The following RORB variants were observed in gnomAD, a reference collection of about 807,000 sequenced individuals.
The protein encoded by RORB is nuclear receptor ROR-beta.
RORB carries 6 observed loss-of-function variants against 59.1 expected under a neutral mutation model. That is an observed-to-expected ratio of 0.10 (90% CI 0.06 to 0.20). The LOEUF (loss-of-function observed/expected upper bound fraction) is 0.20. Among genes scored for constraint, RORB ranks in the 10% least tolerant of loss-of-function variants. The pLI, the probability that RORB is intolerant of heterozygous loss-of-function variation, is 1.00. For synonymous variants in RORB, 215 were observed against 204.5 expected (o/e 1.05, Z -0.44); for missense variants, 320 against 560.5 (o/e 0.57, Z 4.33).
chr9:74,642,488 C>T lies in RORB; in HGVS notation c.310C>T (p.Leu104=). Residue 104 remains leucine, a synonymous_variant, in exon 4 of 10, where the codon CTG becomes TTG. Coordinates refer to ENST00000376896, the MANE Select transcript of RORB (RefSeq NM_006914.4). ...YAEVQKHQQR[L]QEQRQQQSGE... ...TGAGGTGCAGAAGCACCAGCAGCGG[C>T]TGCAGGAACAGCGGCAGCAGCAGAG... is the stretch of plus-strand genomic sequence containing the variant. 1 of 1,614,212 alleles carries T rather than the reference C, an allele frequency of 6.2e-7. No homozygotes were observed. Among genetic ancestry groups the T allele is most frequent in the Non-Finnish European group, 8.5e-7 (1 of 1,180,030 alleles).
At chr9:74,638,110 G>A (rs1196007236) in intron 3 of RORB, among the ~76,000 whole-genome samples, 1 of 152,154 alleles carries the variant, frequency 6.6e-6, no homozygotes, top group African/African-American at 2.4e-5. Flanking sequence ...AGTTTCATTG[G>A]TAAGCAGCAA....
intron 1 of RORB, among the ~76,000 whole-genome samples, chr9:74,508,900 GCTCTCTCTCT>G (rs71977081): frequency 6.7e-5 from 10 of 148,616 alleles, no homozygotes; most frequent in Middle Eastern, 3.4e-3. Context: ...ATTAATCTAT[GCTCTCTCTCT>G]CTCTCTCTCT....
At chr9:74,503,057 T>C (rs72729237) in intron 1 of RORB, among the ~76,000 whole-genome samples, 2 of 152,210 alleles carry the variant, frequency 1.3e-5, no homozygotes, top group Non-Finnish European at 2.9e-5. Context: ...ATGGAAATTA[T>C]GCTTAATAAT....
chr9:74,597,701 G>A (rs982089757), intron 1 of RORB, among the ~76,000 whole-genome samples: 1 of 152,182 alleles, frequency 6.6e-6, no homozygotes, highest in African/African-American at 2.4e-5. Context: ...GCTCATGCCT[G>A]TAATCCCAGC....
chr9:74,647,255 A>T (rs1823915309), intron 4 of RORB, among the ~76,000 whole-genome samples: 1 of 152,208 alleles, frequency 6.6e-6, no homozygotes, highest in Non-Finnish European at 1.5e-5. Flanking sequence ...AAACATGCAG[A>T]AAAGGAAAGT....
rs148462406 is a variant in RORB at position 74,556,448 on chromosome 9, G to A, written c.7+58465G>A. Among the ~76,000 whole-genome samples, 429 of 152,260 alleles carry A rather than the reference G, an allele frequency of 2.8e-3. 3 individuals carry two copies. The highest frequency in any genetic ancestry group is 3.1e-3 in the South Asian group (15 of 4,822). Reference sequence around the variant, plus strand: ...AAGGAGTTTGATCCTGATTCACAAAGAGCTGGAGTTATGCAGCCAAAGAAA... The same window carrying A: ...AAGGAGTTTGATCCTGATTCACAAAAAGCTGGAGTTATGCAGCCAAAGAAA... On this transcript the variant is annotated intron_variant, in intron 1 of 9. Transcript: ENST00000376896.
At chr9:74,620,024 C>G (rs565598907) in intron 1 of RORB, among the ~76,000 whole-genome samples, 4 of 152,240 alleles carry the variant, frequency 2.6e-5, no homozygotes, top group African/African-American at 9.6e-5. Context: ...GTGTCTCTGC[C>G]AGGCTTTGGT....
At chr9:74,627,686 G>A (rs1322987313) in intron 1 of RORB, among the ~76,000 whole-genome samples, 1 of 151,920 alleles carries the variant, frequency 6.6e-6, no homozygotes, top group African/African-American at 2.4e-5. Context: ...TTTATGCAAA[G>A]AGAACCTTTG....
intron 9 of RORB, among the ~76,000 whole-genome samples, chr9:74,682,654 C>G (rs1344331466): frequency 6.6e-6 from 1 of 152,162 alleles, no homozygotes; most frequent in Admixed American, 6.5e-5. Flanking sequence ...GCACATGGAA[C>G]CTTTCCTCTC....
intron 1 of RORB, among the ~76,000 whole-genome samples, chr9:74,621,046 A>AC (rs1229246039): frequency 6.6e-6 from 1 of 151,966 alleles, no homozygotes; most frequent in African/African-American, 2.4e-5. Context: ...GCACTCACCA[A>AC]CCCCCCAGAC....
At chr9:74,584,228 CT>C (rs1447302718) in intron 1 of RORB, among the ~76,000 whole-genome samples, 1 of 152,138 alleles carries the variant, frequency 6.6e-6, no homozygotes, top group Non-Finnish European at 1.5e-5. Flanking sequence ...TTTGTTGTAG[CT>C]TTTTTAAATA....
Position 74,608,456 on chromosome 9 carries a change from C to T in RORB, c.8-21826C>T, listed in dbSNP as rs564742254. Among the ~76,000 whole-genome samples the T allele has an allele frequency of 2.0e-5, 3 of 150,240 alleles. No homozygotes were observed. The East Asian group carries it at 6.0e-4, about 30-fold the overall frequency. On this transcript the variant is annotated intron_variant, in intron 1 of 9. Coordinates refer to ENST00000376896, the MANE Select transcript of RORB (RefSeq NM_006914.4). ...GCGGGCACCTGTAGTCCCAGCTACT[C>T]GGGAGGCTGAGGCAGGAGAATGGCG...
chr9:74,627,157 T>C (rs1399301771), intron 1 of RORB, among the ~76,000 whole-genome samples: 1 of 73,256 alleles, frequency 1.4e-5, no homozygotes, highest in Non-Finnish European at 3.1e-5. Flanking sequence ...CAAGACTCCA[T>C]CTCAAAAAAA....
At chr9:74,675,775 A>T (rs1235899204) in intron 9 of RORB, among the ~76,000 whole-genome samples, 1 of 152,174 alleles carries the variant, frequency 6.6e-6, no homozygotes, top group African/African-American at 2.4e-5. Context: ...TGTGCTTTGG[A>T]TGCTGCCATG....
intron 4 of RORB, among the ~76,000 whole-genome samples, chr9:74,652,607 C>T (rs534060541): frequency 6.6e-6 from 1 of 152,074 alleles, no homozygotes; most frequent in African/African-American, 2.4e-5. Context: ...AGCATAGTAT[C>T]TTACATTTTG....
At chr9:74,585,643 C>A (rs1040605453) in intron 1 of RORB, among the ~76,000 whole-genome samples, 8 of 152,122 alleles carry the variant, frequency 5.3e-5, no homozygotes, top group African/African-American at 1.9e-4. Context: ...TGGTACTATA[C>A]CGTCAACTAG....
At chr9:74,538,017 G>C (rs1425171895) in intron 1 of RORB, among the ~76,000 whole-genome samples, 1 of 151,976 alleles carries the variant, frequency 6.6e-6, no homozygotes, top group Admixed American at 6.6e-5. Flanking sequence ...CTATATAGGT[G>C]TACCACTTTT....
intron 1 of RORB, among the ~76,000 whole-genome samples, chr9:74,549,259 A>G (rs1275974899): frequency 6.6e-6 from 1 of 151,972 alleles, no homozygotes; most frequent in Admixed American, 6.5e-5. Context: ...CAGCCTGGCT[A>G]ACACGGTGAA....
intron 1 of RORB, among the ~76,000 whole-genome samples, chr9:74,617,883 A>C (rs1222071013): frequency 6.6e-6 from 1 of 152,198 alleles, no homozygotes; most frequent in African/African-American, 2.4e-5. Flanking sequence ...GCCTTTCTCT[A>C]ACCTCTAAAG....
Sources: allele counts gnomAD v4.1 joint callset (sites outside exome capture counted in the v4.1 genomes callset), GRCh38; gene constraint gnomAD v4.1.1; transcripts MANE v1.5; gene names NCBI Gene and HGNC (gene_info 2026-07-23, HGNC 2026-07-21).